The following NBAS variants were observed in gnomAD, a reference collection of about 807,000 sequenced individuals.
The protein encoded by NBAS is NBAS subunit of NRZ tethering complex.
A neutral mutation model predicts 302.5 loss-of-function variants in NBAS; 219 were observed. That is an observed-to-expected ratio of 0.72 (90% confidence interval 0.65 to 0.81). NBAS has a LOEUF of 0.81. Ranked by LOEUF, NBAS falls within the 30% of genes least tolerant of loss-of-function variation. The probability of loss-of-function intolerance (pLI) is 0.00; values close to 1 mark genes in which losing one functional copy is unlikely to be tolerated. For synonymous variants in NBAS, 1,118 were observed against 1,021.6 expected (o/e 1.09, Z -1.80); for missense variants, 2,932 against 2,841.6 (o/e 1.03, Z -0.72).
chr2:15,534,217 T>C (rs1663369655), intron 9 of NBAS, among the ~76,000 whole-genome samples: 1 of 152,140 alleles, frequency 6.6e-6, no homozygotes, highest in African/African-American at 2.4e-5. Context: ...GGGCACTTTA[T>C]ATATAGCACT....
chr2:15,455,202 C>T (rs909447288), intron 21 of NBAS, among the ~76,000 whole-genome samples: 7 of 152,048 alleles, frequency 4.6e-5, no homozygotes, highest in South Asian at 4.1e-4. Flanking sequence ...CGCACCCGGC[C>T]GATGCTATAA....
the NBAS span, among the ~76,000 whole-genome samples, chr2:14,785,365 G>C: frequency 8.5e-4 from 129 of 152,220 alleles, no homozygotes; most frequent in Non-Finnish European, 1.4e-3. Flanking sequence ...TGTTGAATAG[G>C]AGTGGTGAGA....
the NBAS span, among the ~76,000 whole-genome samples, chr2:15,055,809 G>C: frequency 2.0e-5 from 3 of 152,172 alleles, no homozygotes; most frequent in East Asian, 3.8e-4. Context: ...ATCTAGACTG[G>C]ACTTCTTTGT....
chr2:15,450,377 CA>C (rs1461169428), intron 21 of NBAS, among the ~76,000 whole-genome samples: 1 of 152,164 alleles, frequency 6.6e-6, no homozygotes, highest in African/African-American at 2.4e-5. Context: ...TTCCCAACAT[CA>C]AAAACATGCT....
chr2:15,275,574 A>G lies in NBAS; in HGVS notation c.5634T>C (p.Asp1878=). The change falls in exon 44 of 52, where the codon GAT becomes GAC. Residue 1878 remains aspartate (D), a synonymous_variant. Transcript: ENST00000281513. ...GACGATCAAAGTACTTCATGCAGAC[A>G]TCATAGGCATGAAGCCACTCCGGTG... The part of the protein sequence containing the change: ...GSSPEWLHAY[D]VCMKYFDRLH... 2 of 1,614,140 alleles carry G rather than the reference A, an allele frequency of 1.2e-6. No homozygotes were observed. Among genetic ancestry groups the G allele is most frequent in the Non-Finnish European group, 1.7e-6 (2 of 1,180,014 alleles).
At chr2:14,795,111 A>C in the NBAS span, among the ~76,000 whole-genome samples, 1 of 152,098 alleles carries the variant, frequency 6.6e-6, no homozygotes, top group African/African-American at 2.4e-5. Context: ...GTCTTAGGTA[A>C]TCCTTTAGAA....
At chr2:14,995,493 T>G in the NBAS span, among the ~76,000 whole-genome samples, 1 of 152,218 alleles carries the variant, frequency 6.6e-6, no homozygotes, top group Non-Finnish European at 1.5e-5. Flanking sequence ...GCCCTTGGGC[T>G]GGGTCAGGAA....
At chr2:15,263,980 G>A (rs1668961936) in intron 44 of NBAS, among the ~76,000 whole-genome samples, 1 of 152,198 alleles carries the variant, frequency 6.6e-6, no homozygotes, top group Non-Finnish European at 1.5e-5. Context: ...TCACTGCACA[G>A]GCTAGATAGT....
chr2:14,949,554 C>T, the NBAS span, among the ~76,000 whole-genome samples: 1 of 152,164 alleles, frequency 6.6e-6, no homozygotes, highest in African/African-American at 2.4e-5. Flanking sequence ...GATATCTGCC[C>T]TACCATGTTT....
chr2:14,983,432 T>G, the NBAS span, among the ~76,000 whole-genome samples: 1 of 152,012 alleles, frequency 6.6e-6, no homozygotes, highest in African/African-American at 2.4e-5. Flanking sequence ...TTGATGCAAT[T>G]TCTTTATTTC....
At chr2:15,051,331 A>G in the NBAS span, among the ~76,000 whole-genome samples, 2 of 152,204 alleles carry the variant, frequency 1.3e-5, no homozygotes, top group Non-Finnish European at 2.9e-5. Context: ...GGAGCTGGCC[A>G]GGTGAAATGT....
rs532786302 is a variant in NBAS, at chr2:15,503,670, A to T, written c.954+475T>A. 3.3e-5 allele frequency among the ~76,000 whole-genome samples: 5 copies of T among 152,288 alleles called. 1 individual carries two copies. In the South Asian group the frequency reaches 1.0e-3, roughly 32 times the overall value. ...GGATCCATACTCTTCCTGCTAAGTA[A>T]CAAGACAGTAAAACAATGGTACTTA... On this transcript the variant is annotated intron_variant, in intron 11 of 51. Transcript: ENST00000281513.
chr2:15,067,043 T>C, the NBAS span, among the ~76,000 whole-genome samples: 1 of 151,174 alleles, frequency 6.6e-6, no homozygotes, highest in Non-Finnish European at 1.5e-5. Context: ...GAAATCCTGG[T>C]CAGGCATGCA....
At chr2:15,098,388 T>TACAATATATCATATA in the NBAS span, among the ~76,000 whole-genome samples, 2 of 47,314 alleles carry the variant, frequency 4.2e-5, 1 homozygote, top group Non-Finnish European at 7.1e-5. Context: ...ATATGATATA[T>TACAATATATCATATA]TGTATATTAT....
the NBAS span, among the ~76,000 whole-genome samples, chr2:15,047,558 G>GCTGGGCCTGTGCAAGTGAAGC: frequency 6.6e-6 from 1 of 152,092 alleles, no homozygotes; most frequent in African/African-American, 2.4e-5. Context: ...GCAGGTAAAG[G>GCTGGGCCTGTGCAAGTGAAGC]CTGGGCCCGT....
chr2:14,824,163 C>A, the NBAS span, among the ~76,000 whole-genome samples: 1 of 152,148 alleles, frequency 6.6e-6, no homozygotes, highest in Admixed American at 6.5e-5. Flanking sequence ...AGAAAACGTG[C>A]CCAAATTTCA....
chr2:15,259,388 T>G (rs1480773296), intron 44 of NBAS, among the ~76,000 whole-genome samples: 1 of 152,222 alleles, frequency 6.6e-6, no homozygotes, highest in African/African-American at 2.4e-5. Flanking sequence ...GTCCCTAGAA[T>G]GACTCCAGTC....
At chr2:15,031,641 C>T in the NBAS span, among the ~76,000 whole-genome samples, 3 of 152,170 alleles carry the variant, frequency 2.0e-5, no homozygotes, top group Admixed American at 6.5e-5. Flanking sequence ...AGAGGGGCTT[C>T]GGAACCATGA....
chr2:15,488,833 A>T, intron 12 of NBAS, 61 bp downstream of exon 12: 1 of 1,597,080 alleles, frequency 6.3e-7, no homozygotes, highest in African/African-American at 1.3e-5. Context: ...CAATAAAATA[A>T]AATTAGTATT....
Sources: gnomAD v4.1 joint callset for allele counts (sites outside exome capture counted in the v4.1 genomes callset) on GRCh38, gnomAD v4.1.1 for gene constraint, MANE v1.5 for transcripts, NCBI Gene and HGNC (gene_info 2026-07-23, HGNC 2026-07-21) for gene names.